Variants in VPS51 observed in about 807,000 individuals in gnomAD.
VPS51 encodes vacuolar protein sorting-associated protein 51 homolog.
Under a neutral mutation model 65.1 loss-of-function variants are expected in VPS51, and 55 were observed. The ratio of observed to expected loss-of-function variants is 0.84; its 90% confidence interval spans 0.68 to 1.06. VPS51 has a LOEUF of 1.06. Ranked by LOEUF, VPS51 falls within the 50% of genes least tolerant of loss-of-function variation. VPS51 has a pLI of 0.00. For missense variants in VPS51, 943 were observed against 1,101.6 expected (o/e 0.86, Z 2.04); for synonymous variants, 473 against 489.5 (o/e 0.97, Z 0.44).
At chr11:65,110,844 CA>C (rs765595996) in intron 9 of VPS51, 63 bp downstream of exon 9, 1 of 1,593,536 alleles carries the variant, frequency 6.3e-7, no homozygotes, top group Non-Finnish European at 8.6e-7. Context: ...GGAGCAGCCC[CA>C]CACCTGCCCA....
rs1411303403 is a variant in VPS51, at chr11:65,111,848, A to C, written c.*261A>C. ...TGGGCAGGGGGCGGTTCCACTTAAA[A>C]ACCCTGGGACGAGAGCGGTCCTTGT... is the stretch of plus-strand genomic sequence containing the variant. On this transcript the variant is annotated 3_prime_UTR_variant, in exon 10 of 10. Coordinates refer to ENST00000279281, the MANE Select transcript of VPS51 (RefSeq NM_013265.4). The C allele has an allele frequency of 2.0e-6, 2 of 978,262 alleles. No individual in the cohort carries two copies. Among genetic ancestry groups the C allele is most frequent in the African/African-American group, 1.6e-5 (1 of 60,890 alleles). 60.6% of individuals were successfully genotyped at this position (978,262 alleles called of 1,614,324 possible).
chr11:65,099,300 C>T (rs1470363588), intron 2 of VPS51, among the ~76,000 whole-genome samples: 2 of 152,044 alleles, frequency 1.3e-5, no homozygotes, highest in African/African-American at 4.8e-5. Flanking sequence ...GCATCGGCCT[C>T]AGCAAAGGGC....
In VPS51 at chr11:65,108,423, G is replaced by A; in HGVS notation, c.952G>A (p.Val318Met). Reference sequence around the variant, plus strand: ...TGGCTTCGTGGGCGGCCTCTGCCAGGTGGCGGCGGCCTACCAGGAGCTGTT... The same window carrying A: ...TGGCTTCGTGGGCGGCCTCTGCCAGATGGCGGCGGCCTACCAGGAGCTGTT... The part of the protein sequence containing the change: ...GSGFVGGLCQ[V>M]AAAYQELFAA... The change falls in exon 5 of 10, where the codon GTG (valine) becomes ATG (methionine). Residue 318 changes from valine (V) to methionine (M), a missense_variant. Val to Met is a conservative substitution (Grantham distance 21). Transcript: ENST00000279281. 6.2e-7 allele frequency: 1 copy of A among 1,611,972 alleles called. No individual in the cohort carries two copies. Among genetic ancestry groups the A allele is most frequent in the Non-Finnish European group, 8.5e-7 (1 of 1,179,648 alleles).
At chr11:65,099,889 G>C (rs1442995582) in intron 2 of VPS51, among the ~76,000 whole-genome samples, 1 of 152,148 alleles carries the variant, frequency 6.6e-6, no homozygotes, top group Non-Finnish European at 1.5e-5. Context: ...GATCATCTGA[G>C]GTCAGGCATT....
rs572866495 is a variant in VPS51, at chr11:65,110,453, CT to C, written c.1879-28del. The C allele has an allele frequency of 2.1e-3, 3,329 of 1,613,678 alleles. 3 individuals carry two copies. The highest frequency in any genetic ancestry group is 5.3e-3 in the Admixed American group (321 of 60,016). On this transcript the variant is annotated intron_variant, in intron 7 of 9. Coordinates refer to ENST00000279281, the MANE Select transcript of VPS51 (RefSeq NM_013265.4). ...GCTGGTGGTTTCCCCTGACTCGGGC[CT>C]CCTTGCAGTACCTCTTTTTACCACC...
At chr11:65,110,108 C>A in intron 7 of VPS51, 185 bp downstream of exon 7, 1 of 698,186 alleles carries the variant, frequency 1.4e-6, no homozygotes, top group Non-Finnish European at 2.4e-6. Context: ...GGGAACAAGT[C>A]TCCAAGGATG....
Position 65,110,147 on chromosome 11 carries a change from G to C in VPS51, c.1878+224G>C, listed in dbSNP as rs1039080317. ...ACCAAACGGGCTGGGGAGTGCCTATGTCCACGGTCTTGTTCCTTCTCAGCC... is the reference window on the plus strand; with the variant it reads ...ACCAAACGGGCTGGGGAGTGCCTATCTCCACGGTCTTGTTCCTTCTCAGCC... On this transcript the variant is annotated intron_variant, in intron 7 of 9. Coordinates refer to ENST00000279281, the MANE Select transcript of VPS51 (RefSeq NM_013265.4). 3 of 628,728 alleles carry C rather than the reference G, an allele frequency of 4.8e-6. No individual in the cohort carries two copies. In the East Asian group the frequency reaches 8.3e-5, roughly 17 times the overall value. The allele number at this position is 628,728 out of a possible 1,614,324, so 38.9% of individuals were successfully genotyped here.
intron 2 of VPS51, among the ~76,000 whole-genome samples, chr11:65,104,086 G>A (rs1037469284): frequency 2.0e-5 from 3 of 151,986 alleles, no homozygotes; most frequent in African/African-American, 7.3e-5. Context: ...CTGCCACCAC[G>A]CCCAACTACT....
rs550239914 is a variant in VPS51, at chr11:65,104,913, C to T, written c.359-2668C>T. Among the ~76,000 whole-genome samples the T allele has an allele frequency of 7.4e-4, 112 of 152,296 alleles. No homozygotes were observed. In the Middle Eastern group the frequency reaches 0.01, roughly 14 times the overall value. On this transcript the variant is annotated intron_variant, in intron 2 of 9. Transcript: ENST00000279281. Reference sequence around the variant, plus strand: ...GGGGAGTAGGACCTTTCTTTCACAACATTCTCTAGTTTTTCTGTTTCTGTT... The same window carrying T: ...GGGGAGTAGGACCTTTCTTTCACAATATTCTCTAGTTTTTCTGTTTCTGTT...
chr11:65,100,296 A>C (rs1449766747), intron 2 of VPS51, among the ~76,000 whole-genome samples: 2 of 152,178 alleles, frequency 1.3e-5, no homozygotes, highest in African/African-American at 4.8e-5. Context: ...TCCAGAGAAA[A>C]CATACAAGTG....
At chr11:65,099,376 G>A (rs1033676636) in intron 2 of VPS51, among the ~76,000 whole-genome samples, 11 of 152,184 alleles carry the variant, frequency 7.2e-5, no homozygotes, top group African/African-American at 2.7e-4. Context: ...GATAGTAGAT[G>A]TGCAGTTTAA....
intron 7 of VPS51, 116 bp downstream of exon 7, chr11:65,110,039 G>T: frequency 8.7e-7 from 1 of 1,144,536 alleles, no homozygotes; most frequent in Non-Finnish European, 1.2e-6. Flanking sequence ...GGGGACATGT[G>T]TATCTGGGCT....
At position 65,107,392 on chromosome 11, in the gene VPS51, G is replaced by A. The variant is rs1947849217; in HGVS notation, c.359-189G>A. 1.5e-6 allele frequency: 1 copy of A among 689,452 alleles called. No individual in the cohort carries two copies. 42.7% of individuals were successfully genotyped at this position (689,452 alleles called of 1,614,324 possible). On this transcript the variant is annotated intron_variant, in intron 2 of 9. Coordinates refer to ENST00000279281, the MANE Select transcript of VPS51 (RefSeq NM_013265.4). This position sits in a 1 kb window ranked among gnomAD's most constrained non-coding sequence, Gnocchi z 4.0. ...GAGTATGTGAGTAACGCCTGCTTTG[G>A]GAACATAAACCCCCTCCCCCGCCCC...
At chr11:65,109,981 A>G (rs1431861620) in intron 7 of VPS51, 58 bp downstream of exon 7, 46 of 1,501,982 alleles carry the variant, frequency 3.1e-5, no homozygotes, top group East Asian at 4.8e-5. Flanking sequence ...TGTCCCTTCA[A>G]GAGGGGCTGG....
chr11:65,097,216 G>T, intron 2 of VPS51, 89 bp downstream of exon 2: 1 of 1,563,830 alleles, frequency 6.4e-7, no homozygotes, highest in Non-Finnish European at 8.7e-7. Flanking sequence ...TTTAGAGGGG[G>T]GAGACTCAGA....
At chr11:65,110,423 G>A (rs565516550) in intron 7 of VPS51, 59 bp from the exon 8 acceptor site, 5 of 1,612,516 alleles carry the variant, frequency 3.1e-6, no homozygotes, top group South Asian at 1.1e-5. Flanking sequence ...CCTCAGCACC[G>A]ATGGGCTGGT....
chr11:65,100,682 C>T (rs1193589942), intron 2 of VPS51, among the ~76,000 whole-genome samples: 1 of 151,938 alleles, frequency 6.6e-6, no homozygotes, highest in Non-Finnish European at 1.5e-5. Context: ...AGGTGTGCAC[C>T]ATCACACCCG....
chr11:65,096,276 C>A lies in VPS51; in HGVS notation c.26C>A (p.Pro9His). The change falls in exon 1 of 10, where the codon CCT becomes CAT. Residue 9 changes from proline to histidine, a missense_variant. By Grantham distance (77) the Pro-to-His change is moderately conservative (BLOSUM62 -2). Coordinates refer to ENST00000279281, the MANE Select transcript of VPS51 (RefSeq NM_013265.4). The part of the protein sequence containing the change: MAAAAAAG[P>H]SPGSGPGDSP... ...ATGGCGGCGGCAGCTGCCGCCGGGC[C>A]TAGCCCGGGGTCTGGACCTGGGGAC... 6.6e-7 allele frequency: 1 copy of A among 1,518,324 alleles called. No homozygotes were observed. 94.1% of individuals were successfully genotyped at this position (1,518,324 alleles called of 1,614,324 possible).
In VPS51 at chr11:65,110,776, A is replaced by T. The variant is rs1473353947; in HGVS notation, c.2083A>T (p.Asn695Tyr). 4.3e-6 allele frequency: 7 copies of T among 1,614,014 alleles called. No homozygotes were observed. Among genetic ancestry groups the T allele is most frequent in the Non-Finnish European group, 5.9e-6 (7 of 1,180,020 alleles). ...RIDVFSPVEF[N>Y]KVSVLTGIIK... ...TGATGTGTTCAGCCCTGTGGAGTTC[A>T]ACAAGGTCCGACTTCCAACGTGACT... The change falls in exon 9 of 10, where the codon AAC becomes TAC. Residue 695 changes from asparagine to tyrosine, a missense_variant. By Grantham distance (143) the Asn-to-Tyr change is moderately radical. Coordinates refer to ENST00000279281, the MANE Select transcript of VPS51 (RefSeq NM_013265.4).
Sources: gnomAD v4.1 joint callset for allele counts (sites outside exome capture counted in the v4.1 genomes callset) on GRCh38, gnomAD v4.1.1 for gene constraint, Gnocchi (gnomAD v3.1) non-coding constraint, MANE v1.5 for transcripts, NCBI Gene and HGNC (gene_info 2026-07-23, HGNC 2026-07-21) for gene names.